TRAPPC9: variants seen among roughly 807,000 people sequenced by gnomAD.
The protein encoded by TRAPPC9 is IKK2 binding protein.
Under a neutral mutation model 124.0 loss-of-function variants are expected in TRAPPC9, and 83 were observed. That is an observed-to-expected ratio of 0.67 (90% CI 0.56 to 0.80). The LOEUF (loss-of-function observed/expected upper bound fraction) is 0.80. Among genes scored for constraint, TRAPPC9 ranks in the 30% least tolerant of loss-of-function variants. The probability of loss-of-function intolerance (pLI) is 0.00; values close to 1 mark genes in which losing one functional copy is unlikely to be tolerated. For missense variants in TRAPPC9, 1,302 were observed against 1,508.3 expected (o/e 0.86, Z 2.27); for synonymous variants, 638 against 617.5 (o/e 1.03, Z -0.49).
chr8:139,888,183 A>T (rs1830128800), intron 20 of TRAPPC9, among the ~76,000 whole-genome samples: 1 of 152,200 alleles, frequency 6.6e-6, no homozygotes, highest in Non-Finnish European at 1.5e-5. Flanking sequence ...TGAAGCTCTG[A>T]GGCCGGCAGA....
In TRAPPC9 at chr8:140,119,620, T is replaced by C. The variant is rs552187628; in HGVS notation, c.2557-95541A>G. The stretch of plus-strand genomic sequence containing the variant: ...TATTAAGTAATTAGACCGTCACATA[T>C]ACACACTTGAGTACATAGTAACATT... On this transcript the variant is annotated intron_variant, in intron 17 of 22. Coordinates refer to ENST00000438773, the MANE Select transcript of TRAPPC9 (RefSeq NM_001160372.4). Among the ~76,000 whole-genome samples, 12 of 152,360 alleles carry C rather than the reference T, an allele frequency of 7.9e-5. No individual in the cohort carries two copies. In the South Asian group the frequency reaches 2.5e-3, roughly 32 times the overall value.
chr8:140,425,573 A>C (rs994824408), intron 5 of TRAPPC9, among the ~76,000 whole-genome samples: 1 of 152,046 alleles, frequency 6.6e-6, no homozygotes, highest in African/African-American at 2.4e-5. Context: ...AGCTACTTCT[A>C]TATGGTGTAC....
intron 7 of TRAPPC9, among the ~76,000 whole-genome samples, chr8:140,396,950 A>C (rs1022015153): frequency 2.1e-5 from 3 of 144,526 alleles, no homozygotes; most frequent in African/African-American, 7.7e-5. Context: ...TCTTTCCCCC[A>C]CCCTTAGCAC....
intron 18 of TRAPPC9, among the ~76,000 whole-genome samples, chr8:140,005,352 A>G (rs1243714406): frequency 2.0e-5 from 3 of 152,120 alleles, no homozygotes; most frequent in African/African-American, 7.2e-5. Flanking sequence ...TGAAATCTCT[A>G]TGGGGAAGGA....
chr8:140,035,492 A>G (rs1840818636), intron 17 of TRAPPC9, among the ~76,000 whole-genome samples: 2 of 152,232 alleles, frequency 1.3e-5, no homozygotes, highest in Admixed American at 1.3e-4. Flanking sequence ...CAGGTCAGCA[A>G]GAAGCAATCC....
At chr8:140,175,180 A>G (rs2062038032) in intron 17 of TRAPPC9, among the ~76,000 whole-genome samples, 1 of 152,106 alleles carries the variant, frequency 6.6e-6, no homozygotes, top group Admixed American at 6.6e-5. Flanking sequence ...GTTTCTTTAG[A>G]AAACAGTACA....
chr8:140,203,534 T>C (rs965703658), intron 17 of TRAPPC9, among the ~76,000 whole-genome samples: 5 of 152,232 alleles, frequency 3.3e-5, no homozygotes, highest in African/African-American at 1.2e-4. Context: ...GTGTGAGGGC[T>C]TGTCATTCAT....
chr8:139,738,051 T>G (rs1487709594), intron 21 of TRAPPC9, among the ~76,000 whole-genome samples: 1 of 152,140 alleles, frequency 6.6e-6, no homozygotes, highest in Non-Finnish European at 1.5e-5. Flanking sequence ...CCAAGCCAGG[T>G]GCCAGGCAGG....
chr8:139,812,503 G>A (rs1015331220), intron 21 of TRAPPC9, among the ~76,000 whole-genome samples: 1 of 152,182 alleles, frequency 6.6e-6, no homozygotes, highest in Non-Finnish European at 1.5e-5. Flanking sequence ...TTGCAGAAGC[G>A]CCTCTGAGGA....
intron 17 of TRAPPC9, chr8:140,096,860 G>A (rs1241602724): frequency 6.6e-6 from 1 of 152,268 alleles, no homozygotes; most frequent in Non-Finnish European, 1.5e-5. Flanking sequence ...GAGCAGAGAG[G>A]AGGACTAGGA....
In TRAPPC9 at chr8:139,973,026, G is replaced by C. The variant is rs185077720; in HGVS notation, c.2810+15700C>G. On this transcript the variant is annotated intron_variant, in intron 19 of 22. Transcript: ENST00000438773. ...GCCCCCAGCTACCCCATGGACTAGG[G>C]GGAGGAGGAAGAAATGGCTTCAACA... 2.0e-5 allele frequency among the ~76,000 whole-genome samples: 3 copies of C among 152,312 alleles called. No individual in the cohort carries two copies. The East Asian group carries it at 5.8e-4, about 29-fold the overall frequency.
At chr8:140,238,306 A>G (rs2063770696) in intron 16 of TRAPPC9, 1 of 152,204 alleles carries the variant, frequency 6.6e-6, no homozygotes, top group Non-Finnish European at 1.5e-5. Context: ...CTCCCCACCT[A>G]CAGGCTAACA....
At chr8:139,943,705 T>C (rs1834045063) in intron 19 of TRAPPC9, among the ~76,000 whole-genome samples, 1 of 152,080 alleles carries the variant, frequency 6.6e-6, no homozygotes. Context: ...AGCAGACAGA[T>C]AAAAATTACT....
chr8:140,274,676 C>T (rs2065059350), intron 15 of TRAPPC9, among the ~76,000 whole-genome samples: 1 of 152,216 alleles, frequency 6.6e-6, no homozygotes, highest in Non-Finnish European at 1.5e-5. Context: ...CTCCCAAGCT[C>T]AGCCCTGGAC....
At chr8:140,082,431 G>C (rs531574094) in intron 17 of TRAPPC9, among the ~76,000 whole-genome samples, 2 of 152,242 alleles carry the variant, frequency 1.3e-5, no homozygotes, top group African/African-American at 4.8e-5. Context: ...AGCATCAGCA[G>C]AAAGGGCATC....
intron 21 of TRAPPC9, among the ~76,000 whole-genome samples, chr8:139,748,710 C>A (rs567997895): frequency 6.6e-6 from 1 of 152,150 alleles, no homozygotes; most frequent in East Asian, 1.9e-4. Context: ...TCCCTGGAAG[C>A]CTTCCCTCCC....
intron 15 of TRAPPC9, among the ~76,000 whole-genome samples, chr8:140,264,598 G>T (rs1440923230): frequency 1.4e-5 from 2 of 147,212 alleles, no homozygotes; most frequent in African/African-American, 2.6e-5. Flanking sequence ...GAGAGAGGAG[G>T]GGGAGGGGGA....
chr8:140,192,275 G>A lies in TRAPPC9; in HGVS notation c.2556+29184C>T, dbSNP rs530443308. ...GGAAAGTTAAAGCAAGGTCACAAGA[G>A]TGGCACACGTGTATTTCACTTATTT... On this transcript the variant is annotated intron_variant, in intron 17 of 22. Coordinates refer to ENST00000438773, the MANE Select transcript of TRAPPC9 (RefSeq NM_001160372.4). 5.3e-5 allele frequency among the ~76,000 whole-genome samples: 8 copies of A among 152,348 alleles called. No individual in the cohort carries two copies. In the South Asian group the frequency reaches 1.2e-3, roughly 24 times the overall value.
intron 5 of TRAPPC9, among the ~76,000 whole-genome samples, chr8:140,423,970 G>A (rs1049829025): frequency 1.3e-5 from 2 of 152,060 alleles, no homozygotes; most frequent in Non-Finnish European, 1.5e-5. Flanking sequence ...TGGGGGTAAG[G>A]GAAGGACATA....
Sources: allele counts gnomAD v4.1 joint callset (sites outside exome capture counted in the v4.1 genomes callset), GRCh38; gene constraint gnomAD v4.1.1; transcripts MANE v1.5; gene names NCBI Gene and HGNC (gene_info 2026-07-23, HGNC 2026-07-21).